Variants in LDLRAD4 observed in about 807,000 individuals in gnomAD.
LDLRAD4 encodes the protein low density lipoprotein receptor class A domain containing 4, also known as low-density lipoprotein receptor class A domain-containing protein 4.
Under a neutral mutation model 17.0 loss-of-function variants are expected in LDLRAD4, and 5 were observed. The ratio of observed to expected loss-of-function variants is 0.29; its 90% CI spans 0.15 to 0.62. The LOEUF is 0.62. LDLRAD4 is among the 20% of genes least tolerant of loss of function. The pLI, the probability that LDLRAD4 is intolerant of heterozygous loss-of-function variation, is 0.84. For missense variants in LDLRAD4, 340 were observed against 424.7 expected (o/e 0.80, Z 1.75); for synonymous variants, 168 against 171.8 (o/e 0.98, Z 0.17).
chr18:13,228,173 C>G (rs777105266), intron 1 of LDLRAD4, among the ~76,000 whole-genome samples: 7 of 152,166 alleles, frequency 4.6e-5, no homozygotes, highest in Non-Finnish European at 1.0e-4. Context: ...TTCCAAAAGG[C>G]TGGAGATGGT....
intron 3 of LDLRAD4, among the ~76,000 whole-genome samples, chr18:13,498,706 T>C (rs1376531698): frequency 6.8e-6 from 1 of 147,954 alleles, no homozygotes; most frequent in Admixed American, 6.7e-5. Flanking sequence ...GGAGAATCCT[T>C]CTTGCCACAC....
At chr18:13,457,169 G>A (rs1363911841) in intron 3 of LDLRAD4, among the ~76,000 whole-genome samples, 3 of 152,358 alleles carry the variant, frequency 2.0e-5, no homozygotes, top group Admixed American at 6.5e-5. Flanking sequence ...ATTTCTGACC[G>A]ACTGGCTTCA....
At chr18:13,616,257 G>GC (rs1425866161) in intron 3 of LDLRAD4, 2 of 151,906 alleles carry the variant, frequency 1.3e-5, no homozygotes, top group South Asian at 2.1e-4. Context: ...CAGGTGGGGG[G>GC]GGGGGGGTTG....
chr18:13,477,438 C>T (rs2146883495), intron 3 of LDLRAD4, among the ~76,000 whole-genome samples: 1 of 152,306 alleles, frequency 6.6e-6, no homozygotes, highest in Non-Finnish European at 1.5e-5. Context: ...AGAGCCCTCC[C>T]ACCTGCCTCT....
At chr18:13,375,095 G>A (rs2084806793) in intron 1 of LDLRAD4, among the ~76,000 whole-genome samples, 1 of 152,216 alleles carries the variant, frequency 6.6e-6, no homozygotes, top group Admixed American at 6.5e-5. Context: ...GGACGGTAGT[G>A]GAGCAGCTAG....
chr18:13,466,059 A>G (rs926882515), intron 3 of LDLRAD4, among the ~76,000 whole-genome samples: 4 of 152,236 alleles, frequency 2.6e-5, no homozygotes, highest in Non-Finnish European at 5.9e-5. Context: ...CAAAATAAAT[A>G]TATCTTGAAT....
At chr18:13,506,104 C>A (rs1348051379) in intron 3 of LDLRAD4, among the ~76,000 whole-genome samples, 2 of 152,214 alleles carry the variant, frequency 1.3e-5, no homozygotes, top group African/African-American at 4.8e-5. Context: ...TTGCTTCCTC[C>A]AGGCCGTCTT....
intron 1 of LDLRAD4, among the ~76,000 whole-genome samples, chr18:13,232,216 C>T (rs77879598): frequency 0.012 from 1,826 of 152,306 alleles, 41 homozygotes; most frequent in East Asian, 0.088. Context: ...GTCTTCTGGG[C>T]GCTCTTGTGG....
chr18:13,650,126 T>C (rs190290765), exon 6 of LDLRAD4: 5 of 398,740 alleles, frequency 1.3e-5, no homozygotes, highest in Admixed American at 4.4e-5. Flanking sequence ...TGGAAAGCAC[T>C]CTTAGCCTTG....
At chr18:13,538,607 T>A (rs1426884972) in intron 3 of LDLRAD4, among the ~76,000 whole-genome samples, 1 of 151,892 alleles carries the variant, frequency 6.6e-6, no homozygotes, top group African/African-American at 2.4e-5. Context: ...TCACTGCAAC[T>A]TCCGCCTCCT....
chr18:13,499,915 G>T (rs372814619), intron 3 of LDLRAD4, among the ~76,000 whole-genome samples: 1 of 152,144 alleles, frequency 6.6e-6, no homozygotes, highest in Non-Finnish European at 1.5e-5. Flanking sequence ...TCAAGCAGCC[G>T]CATCTCCACT....
chr18:13,362,040 A>C (rs1327693733), intron 1 of LDLRAD4, among the ~76,000 whole-genome samples: 1 of 152,044 alleles, frequency 6.6e-6, no homozygotes, highest in Non-Finnish European at 1.5e-5. Context: ...AGGAGCGTAC[A>C]CTTGTGATTG....
intron 1 of LDLRAD4, among the ~76,000 whole-genome samples, chr18:13,306,209 T>G (rs1054101963): frequency 1.3e-5 from 2 of 152,206 alleles, no homozygotes; most frequent in Non-Finnish European, 2.9e-5. Context: ...AGGCTAACTC[T>G]TATCATTTTG....
chr18:13,480,853 C>T (rs1042760966), intron 3 of LDLRAD4, among the ~76,000 whole-genome samples: 1 of 152,220 alleles, frequency 6.6e-6, no homozygotes, highest in African/African-American at 2.4e-5. Flanking sequence ...GAAGGTCATC[C>T]AGCCTCACAG....
chr18:13,325,643 G>C (rs1431769766), intron 1 of LDLRAD4, among the ~76,000 whole-genome samples: 1 of 152,172 alleles, frequency 6.6e-6, no homozygotes, highest in African/African-American at 2.4e-5. Flanking sequence ...TTTCCAGGCC[G>C]ATCCCGGCAC....
At chr18:13,311,917 C>T (rs931917537) in intron 1 of LDLRAD4, among the ~76,000 whole-genome samples, 4 of 150,498 alleles carry the variant, frequency 2.7e-5, no homozygotes, top group African/African-American at 9.7e-5. Context: ...CTGCAAGCCT[C>T]CCCTCCCGGG....
intron 3 of LDLRAD4, among the ~76,000 whole-genome samples, chr18:13,534,542 T>C (rs574480575): frequency 2.6e-5 from 4 of 152,054 alleles, no homozygotes; most frequent in African/African-American, 9.7e-5. Context: ...AGAGACCCTG[T>C]TGCTAAAAAG....
chr18:13,608,687 G>A (rs17614086), intron 3 of LDLRAD4, among the ~76,000 whole-genome samples: 5 of 151,822 alleles, frequency 3.3e-5, no homozygotes, highest in Middle Eastern at 3.2e-3. Context: ...ACTGGTAGCC[G>A]ATCCTTAAAG....
intron 3 of LDLRAD4, among the ~76,000 whole-genome samples, chr18:13,619,925 C>T (rs1210547997): frequency 1.3e-5 from 2 of 152,044 alleles, no homozygotes; most frequent in African/African-American, 2.4e-5. Context: ...CAGCGCCTCT[C>T]CTATAGGCCC....
Sources: allele counts gnomAD v4.1 joint callset (sites outside exome capture counted in the v4.1 genomes callset), GRCh38; gene constraint gnomAD v4.1.1; transcripts MANE v1.5; gene names NCBI Gene and HGNC (gene_info 2026-07-23, HGNC 2026-07-21).